RHEB: variants seen among roughly 807,000 people sequenced by gnomAD.
RHEB encodes the protein GTP-binding protein Rheb.
Under a neutral mutation model 28.8 loss-of-function variants are expected in RHEB, and 2 were observed. That is an observed-to-expected ratio of 0.07 (90% CI 0.03 to 0.22). RHEB has a LOEUF of 0.22. Among genes scored for constraint, RHEB ranks in the 10% least tolerant of loss-of-function variants. RHEB has a pLI of 1.00. For synonymous variants in RHEB, 69 were observed against 77.3 expected, an observed-to-expected ratio of 0.89 and a Z score of 0.56; for missense variants, 76 against 219.9, an observed-to-expected ratio of 0.35 and a Z score of 4.14.
chr7:151,502,228 CAAAAAAAAAAA>C, intron 1 of RHEB: 1 of 331,530 alleles, frequency 3.0e-6, no homozygotes, highest in Admixed American at 5.4e-5. Context: ...AGAGCTGTCT[CAAAAAAAAAAA>C]AAAAAAAAGG....
At chr7:151,502,102 G>A (rs1584863516) in intron 1 of RHEB, 1 of 418,786 alleles carries the variant, frequency 2.4e-6, no homozygotes, top group Middle Eastern at 6.8e-4. Context: ...TGGGTGTGGT[G>A]GCACATGCCT....
chr7:151,508,320 TA>T (rs1264607244), intron 1 of RHEB, among the ~76,000 whole-genome samples: 1 of 152,226 alleles, frequency 6.6e-6, no homozygotes, highest in Non-Finnish European at 1.5e-5. Context: ...TTTATAAAGA[TA>T]ATTTCTTCAA....
At chr7:151,507,334 T>C (rs1310396703) in intron 1 of RHEB, among the ~76,000 whole-genome samples, 1 of 152,172 alleles carries the variant, frequency 6.6e-6, no homozygotes, top group Non-Finnish European at 1.5e-5. Flanking sequence ...TTGGTGGTTG[T>C]TGCTTTTTCG....
At chr7:151,507,078 G>T (rs1482952917) in intron 1 of RHEB, among the ~76,000 whole-genome samples, 1 of 152,200 alleles carries the variant, frequency 6.6e-6, no homozygotes, top group African/African-American at 2.4e-5. Context: ...TGCCTCGTTG[G>T]GGACTAACAA....
At chr7:151,479,142 A>G (rs1286420712) in intron 3 of RHEB, among the ~76,000 whole-genome samples, 5 of 152,180 alleles carry the variant, frequency 3.3e-5, no homozygotes, top group Non-Finnish European at 7.3e-5. Context: ...ACAGACTGAA[A>G]AATCCAGAAA....
chr7:151,495,901 T>C (rs920832222), intron 1 of RHEB, among the ~76,000 whole-genome samples: 1 of 152,242 alleles, frequency 6.6e-6, no homozygotes, highest in Non-Finnish European at 1.5e-5. Flanking sequence ...GCAGTGTGCG[T>C]TGAGCGTGCC....
At chr7:151,493,546 T>G (rs1407562894) in intron 1 of RHEB, among the ~76,000 whole-genome samples, 1 of 152,200 alleles carries the variant, frequency 6.6e-6, no homozygotes, top group African/African-American at 2.4e-5. Context: ...TCTGAACAAA[T>G]GAACGAAATT....
intron 1 of RHEB, among the ~76,000 whole-genome samples, chr7:151,500,099 G>A (rs1214146469): frequency 1.3e-5 from 2 of 152,118 alleles, no homozygotes; most frequent in Non-Finnish European, 2.9e-5. Context: ...CACTGTGCCT[G>A]GCCTGAAAAT....
intron 4 of RHEB, among the ~76,000 whole-genome samples, chr7:151,476,723 T>C (rs1175579887): frequency 6.6e-6 from 1 of 152,176 alleles, no homozygotes; most frequent in Non-Finnish European, 1.5e-5. Context: ...TCTTCAAACA[T>C]AAGCTGTCAC....
At chr7:151,483,994 T>C (rs992302207) in intron 3 of RHEB, among the ~76,000 whole-genome samples, 2 of 152,206 alleles carry the variant, frequency 1.3e-5, no homozygotes, top group Admixed American at 1.3e-4. Context: ...TATTTGACTT[T>C]TGGCCATTAT....
At chr7:151,489,554 T>G (rs944969158) in intron 2 of RHEB, among the ~76,000 whole-genome samples, 5 of 152,228 alleles carry the variant, frequency 3.3e-5, no homozygotes, top group Admixed American at 6.5e-5. Flanking sequence ...GCCAAATATT[T>G]TAAGCGAGGG....
chr7:151,473,389 T>C (rs1349350313), intron 4 of RHEB, among the ~76,000 whole-genome samples: 1 of 152,176 alleles, frequency 6.6e-6, no homozygotes, highest in Non-Finnish European at 1.5e-5. Flanking sequence ...AGCCTTCAGA[T>C]GGGACTGCAG....
intron 1 of RHEB, among the ~76,000 whole-genome samples, chr7:151,510,291 G>A (rs538552879): frequency 6.6e-5 from 10 of 152,148 alleles, no homozygotes; most frequent in African/African-American, 2.2e-4. Context: ...AGTAACAATC[G>A]TGTAGTAGCT....
At chr7:151,503,239 G>A (rs772098172) in intron 1 of RHEB, 7 of 783,472 alleles carry the variant, frequency 8.9e-6, no homozygotes, top group African/African-American at 6.8e-5. Flanking sequence ...CAAAGAGACC[G>A]GACAGGAACA....
rs188394856 is a variant in RHEB at position 151,467,275 on chromosome 7, G to C, written c.463-64C>G. The C allele has an allele frequency of 3.9e-5, 47 of 1,213,194 alleles. No individual in the cohort carries two copies. In the East Asian group the frequency reaches 1.1e-3, roughly 29 times the overall value. The allele number at this position is 1,213,194 out of a possible 1,614,324, so 75.2% of individuals were successfully genotyped here. A position where few individuals can be genotyped will look rare whatever the true frequency, so the allele number is the denominator to read the frequency against. On this transcript the variant is annotated intron_variant, in intron 7 of 7. Transcript: ENST00000262187. ...AAGCCGAACTCCGAGAGTATTTTAC[G>C]GACTGAGGAGGGCGTGCCGCCTGCC...
rs79072214 is a variant in RHEB, at chr7:151,484,573, A to G, written c.192+164T>C. On this transcript the variant is annotated intron_variant, in intron 3 of 7. Transcript: ENST00000262187. ...AATAGACCCATCGTAAAGATGAGAAATTGTTAAGTCGAGCCACTGCAAGCC... is the reference window on the plus strand; with the variant it reads ...AATAGACCCATCGTAAAGATGAGAAGTTGTTAAGTCGAGCCACTGCAAGCC... Among the ~76,000 whole-genome samples the G allele has an allele frequency of 8.0e-3, 1,220 of 152,294 alleles. 17 individuals are homozygous for G. The highest frequency in any genetic ancestry group is 0.027 in the African/African-American group (1,141 of 41,548).
intron 1 of RHEB, among the ~76,000 whole-genome samples, chr7:151,503,855 T>C (rs1802820087): frequency 6.6e-6 from 1 of 152,198 alleles, no homozygotes; most frequent in Non-Finnish European, 1.5e-5. Context: ...AGTGAGATCA[T>C]ACTGGTTTTT....
chr7:151,490,897 C>A (rs759369973), intron 2 of RHEB, 46 bp downstream of exon 2: 2 of 1,406,026 alleles, frequency 1.4e-6, no homozygotes, highest in South Asian at 2.3e-5. Context: ...CTATTTTACA[C>A]AAAAGAAGGC....
intron 2 of RHEB, among the ~76,000 whole-genome samples, chr7:151,487,339 T>TG: frequency 6.6e-6 from 1 of 152,136 alleles, no homozygotes; most frequent in East Asian, 1.9e-4. Flanking sequence ...AGCCCAGAGC[T>TG]GGGGGGAGAG....
Sources: allele counts gnomAD v4.1 joint callset (sites outside exome capture counted in the v4.1 genomes callset), GRCh38; gene constraint gnomAD v4.1.1; transcripts MANE v1.5; gene names NCBI Gene and HGNC (gene_info 2026-07-23, HGNC 2026-07-21).